ADGRD1: variants seen among roughly 807,000 people sequenced by gnomAD.
ADGRD1 encodes G-protein coupled receptor 133.
Under a neutral mutation model 113.4 loss-of-function variants are expected in ADGRD1, and 77 were observed. That is an observed-to-expected ratio of 0.68 (90% CI 0.57 to 0.82). The LOEUF is 0.82. Among genes scored for constraint, ADGRD1 ranks in the 40% least tolerant of loss-of-function variants. The pLI, the probability that ADGRD1 is intolerant of heterozygous loss-of-function variation, is 0.00. For missense variants in ADGRD1, 1,036 were observed against 1,139.1 expected, an observed-to-expected ratio of 0.91 and a Z score of 1.30; for synonymous variants, 474 against 475.0, an observed-to-expected ratio of 1.00 and a Z score of 0.03.
chr12:131,096,964 C>T lies in ADGRD1; in HGVS notation c.1672-7867C>T, dbSNP rs1345611814. Among the ~76,000 whole-genome samples the T allele has an allele frequency of 6.6e-6, 1 of 152,166 alleles. No individual in the cohort carries two copies. The highest frequency in any genetic ancestry group is 1.5e-5 in the Non-Finnish European group (1 of 68,022). On this transcript the variant is annotated intron_variant, in intron 15 of 24. Coordinates refer to ENST00000261654, the MANE Select transcript of ADGRD1 (RefSeq NM_198827.5). The surrounding 1 kb of genome is among the most constrained non-coding windows in gnomAD (Gnocchi z 5.2). The stretch of plus-strand genomic sequence containing the variant: ...GAGGCCCAGCAGCTCTTCTCTCGCC[C>T]CTACACGTGGCTTTTTGGGCAGTGG...
At chr12:131,070,447 A>T (rs981123653) in intron 13 of ADGRD1, 35 of 165,282 alleles carry the variant, frequency 2.1e-4, no homozygotes, top group South Asian at 3.1e-4. Flanking sequence ...GGGTCTCGTG[A>T]CCGCAGCTCA....
At chr12:131,095,594 T>C (rs1002161355) in intron 15 of ADGRD1, among the ~76,000 whole-genome samples, 4 of 152,094 alleles carry the variant, frequency 2.6e-5, no homozygotes, top group African/African-American at 9.7e-5. Context: ...ACTGGGAACA[T>C]GGTCAGGGGC....
chr12:131,094,518 C>T (rs1190524902), intron 15 of ADGRD1, among the ~76,000 whole-genome samples: 5 of 152,140 alleles, frequency 3.3e-5, no homozygotes, highest in Non-Finnish European at 7.4e-5. Context: ...CCCCTCTAAT[C>T]CTGGAGGCAG....
rs977844881 is a variant in ADGRD1, at chr12:130,966,868, C to A, written c.187+322C>A. 2.1e-5 allele frequency: 9 copies of A among 426,590 alleles called. No homozygotes were observed. The highest frequency in any genetic ancestry group is 1.2e-4 in the Admixed American group (5 of 40,564). The allele number at this position is 426,590 out of a possible 1,614,324, so 26.4% of individuals were successfully genotyped here. A position where few individuals can be genotyped will look rare whatever the true frequency, so the allele number is the denominator to read the frequency against. On this transcript the variant is annotated intron_variant, in intron 3 of 24. Coordinates refer to ENST00000261654, the MANE Select transcript of ADGRD1 (RefSeq NM_198827.5). The surrounding 1 kb of genome is among the most constrained non-coding windows in gnomAD (Gnocchi z 4.6). ...GCTCCTGGCCTCAGCAATCCTCTGGCCTTGGCCTCCCAAAGTGCTGGAATT... is the reference window on the plus strand; with the variant it reads ...GCTCCTGGCCTCAGCAATCCTCTGGACTTGGCCTCCCAAAGTGCTGGAATT...
At chr12:131,046,361 C>CTTGTCAGTGTCCTCCG (rs1882769305) in intron 13 of ADGRD1, among the ~76,000 whole-genome samples, 1 of 132,856 alleles carries the variant, frequency 7.5e-6, no homozygotes. Flanking sequence ...AGTGTCCTCC[C>CTTGTCAGTGTCCTCCG]TGGTCAGTGC....
At chr12:131,047,445 C>A (rs753221399) in intron 13 of ADGRD1, among the ~76,000 whole-genome samples, 12 of 152,208 alleles carry the variant, frequency 7.9e-5, no homozygotes, top group Non-Finnish European at 1.5e-4. Context: ...CCCCCTTTTG[C>A]ACCCCTTCCG....
chr12:131,016,700 G>A (rs1384160880), intron 13 of ADGRD1, among the ~76,000 whole-genome samples: 6 of 152,152 alleles, frequency 3.9e-5, no homozygotes, highest in South Asian at 2.1e-4. Context: ...TGAGACCAGC[G>A]TGACCAACAT....
intron 20 of ADGRD1, among the ~76,000 whole-genome samples, chr12:131,130,417 G>T (rs1950883956): frequency 6.6e-6 from 1 of 152,200 alleles, no homozygotes; most frequent in African/African-American, 2.4e-5. Flanking sequence ...CTAGGCAGGA[G>T]GGGGCGGCCC....
chr12:131,095,120 C>A (rs1041929993), intron 15 of ADGRD1, among the ~76,000 whole-genome samples: 3 of 152,192 alleles, frequency 2.0e-5, no homozygotes, highest in Non-Finnish European at 4.4e-5. Flanking sequence ...TCCCTTCAGT[C>A]CCCCCGACTC....
chr12:131,094,258 G>A (rs747056761), intron 15 of ADGRD1, among the ~76,000 whole-genome samples: 5 of 152,196 alleles, frequency 3.3e-5, no homozygotes, highest in Non-Finnish European at 5.9e-5. Context: ...CTGGCCCTGA[G>A]GACCCCTGAG....
At chr12:131,102,894 C>G (rs1056159418) in intron 15 of ADGRD1, among the ~76,000 whole-genome samples, 1 of 152,206 alleles carries the variant, frequency 6.6e-6, no homozygotes, top group Non-Finnish European at 1.5e-5. Flanking sequence ...GAAACAAGAA[C>G]AAGAAACCGC....
intron 12 of ADGRD1, among the ~76,000 whole-genome samples, chr12:131,006,440 G>A (rs984943097): frequency 1.3e-5 from 2 of 152,238 alleles, no homozygotes; most frequent in African/African-American, 2.4e-5. Context: ...TTAAGTGGAA[G>A]GCCAGGAAAC....
intron 20 of ADGRD1, among the ~76,000 whole-genome samples, chr12:131,121,179 C>G (rs1950584302): frequency 6.6e-6 from 1 of 152,214 alleles, no homozygotes; most frequent in South Asian, 2.1e-4. Context: ...GGCACACAGC[C>G]CTGAGAACAG....
chr12:131,120,574 T>C (rs1950569595), intron 19 of ADGRD1: 1 of 552,140 alleles, frequency 1.8e-6, no homozygotes, highest in African/African-American at 1.9e-5. Flanking sequence ...AGCAAAGGTC[T>C]ATTTCCTAAT....
In ADGRD1 at chr12:130,971,626, C is replaced by T. The variant is rs2136535884; in HGVS notation, c.310+46C>T. 1.3e-6 allele frequency: 2 copies of T among 1,563,636 alleles called. No individual in the cohort carries two copies. The highest frequency in any genetic ancestry group is 1.7e-6 in the Non-Finnish European group (2 of 1,153,090). On this transcript the variant is annotated intron_variant, in intron 4 of 24. Transcript: ENST00000261654. The surrounding 1 kb of genome is among the most constrained non-coding windows in gnomAD (Gnocchi z 4.2). The stretch of plus-strand genomic sequence containing the variant: ...GCATCTTTGTCAAGCATTTCATTCT[C>T]AGGGAGCACCTGCTCCTCTGGTGAC...
At chr12:131,119,784 T>C (rs564381824) in intron 19 of ADGRD1, among the ~76,000 whole-genome samples, 61 of 152,312 alleles carry the variant, frequency 4.0e-4, no homozygotes, top group African/African-American at 1.3e-3. Flanking sequence ...TTTTAAACAG[T>C]GCATCCTCAG....
In ADGRD1 at chr12:131,060,685, C is replaced by T. The variant is rs1345774732; in HGVS notation, c.1474-16116C>T. Among the ~76,000 whole-genome samples, 1 of 152,206 alleles carries T rather than the reference C, an allele frequency of 6.6e-6. No individual in the cohort carries two copies. Among genetic ancestry groups the T allele is most frequent in the Non-Finnish European group, 1.5e-5 (1 of 68,044 alleles). The stretch of plus-strand genomic sequence containing the variant: ...CAGAGTCAGTTACCCCTGCCTGTGA[C>T]ACCTGATGGTTCTGTGTCTTCCATC... On this transcript the variant is annotated intron_variant, in intron 13 of 24. Coordinates refer to ENST00000261654, the MANE Select transcript of ADGRD1 (RefSeq NM_198827.5). The surrounding 1 kb of genome is among the most constrained non-coding windows in gnomAD (Gnocchi z 4.4).
intron 6 of ADGRD1, 181 bp from the exon 7 acceptor site, chr12:130,990,833 G>A (rs570216864): frequency 2.8e-5 from 15 of 529,656 alleles, no homozygotes; most frequent in South Asian, 5.3e-5. Context: ...AAATCTATAC[G>A]GTCGACTCAG....
At chr12:131,032,648 G>A (rs1337045402) in intron 13 of ADGRD1, among the ~76,000 whole-genome samples, 3 of 152,172 alleles carry the variant, frequency 2.0e-5, no homozygotes, top group African/African-American at 7.2e-5. Flanking sequence ...TGACGATTAT[G>A]CTTATTAGAG....
Sources: allele counts gnomAD v4.1 joint callset (sites outside exome capture counted in the v4.1 genomes callset), GRCh38; gene constraint gnomAD v4.1.1; non-coding constraint Gnocchi (gnomAD v3.1); transcripts MANE v1.5; gene names NCBI Gene and HGNC (gene_info 2026-07-23, HGNC 2026-07-21).